The following MYL4 variants were observed in gnomAD, a reference collection of about 807,000 sequenced individuals.
MYL4 encodes the protein atrial myosin light chain 1.
MYL4 carries 16 observed loss-of-function variants against 21.6 expected under a neutral mutation model. That is an observed-to-expected ratio of 0.74 (90% CI 0.50 to 1.12). The LOEUF (loss-of-function observed/expected upper bound fraction) is 1.12. MYL4 is among the 50% of genes most tolerant of loss of function. The pLI is 0.00. For missense variants in MYL4, 249 were observed against 252.9 expected (o/e 0.98, Z 0.11); for synonymous variants, 82 against 95.7 (o/e 0.86, Z 0.83).
intron 2 of MYL4, among the ~76,000 whole-genome samples, chr17:47,215,763 T>C (rs1035485902): frequency 1.4e-4 from 22 of 152,222 alleles, no homozygotes; most frequent in Admixed American, 9.8e-4. Flanking sequence ...CTCTAGGTGA[T>C]ATGCCTCAAT....
At chr17:47,210,177 T>C (rs1371093329) in intron 1 of MYL4, among the ~76,000 whole-genome samples, 1 of 152,164 alleles carries the variant, frequency 6.6e-6, no homozygotes, top group Non-Finnish European at 1.5e-5. Context: ...GGTTCCTATC[T>C]GTAGCATGCA....
Position 47,209,386 on chromosome 17 carries a change from T to C in MYL4, c.-37T>C, listed in dbSNP as rs1134983. On this transcript the variant is annotated 5_prime_UTR_variant, in exon 1 of 7. Coordinates refer to ENST00000393450, the MANE Select transcript of MYL4 (RefSeq NM_002476.2). Reference sequence around the variant, plus strand: ...GACGCCACGTCTCTCGGTTTCTTCTTAGATCACTCCTCTGCCAAAGATCCC... The same window carrying C: ...GACGCCACGTCTCTCGGTTTCTTCTCAGATCACTCCTCTGCCAAAGATCCC... 4 of 1,614,026 alleles carry C rather than the reference T, an allele frequency of 2.5e-6. No individual in the cohort carries two copies. Among genetic ancestry groups the C allele is most frequent in the East Asian group, 4.5e-5 (2 of 44,874 alleles).
chr17:47,199,404 G>C (rs542447165), upstream of MYL4, among the ~76,000 whole-genome samples: 1 of 151,752 alleles, frequency 6.6e-6, no homozygotes. Context: ...TTTTAGTTGC[G>C]CACCTTCTTT....
At chr17:47,199,067 T>C (rs2064699812), upstream of MYL4, among the ~76,000 whole-genome samples, 1 of 138,758 alleles carries the variant, frequency 7.2e-6, no homozygotes, top group Non-Finnish European at 1.6e-5. Flanking sequence ...ACCCCGTCTT[T>C]ACTAAAAAAA....
Position 47,213,716 on chromosome 17 carries a change from A to C in MYL4, c.136-83A>C. ...AGGTGGCCATACTGCATTGGAAGCC[A>C]CTTCTGCTTCTACTTCCCTTTGGGG... is the stretch of plus-strand genomic sequence containing the variant. On this transcript the variant is annotated intron_variant, in intron 1 of 6. Transcript: ENST00000393450. 7.0e-6 allele frequency: 10 copies of C among 1,424,386 alleles called. No individual in the cohort carries two copies. In the South Asian group the frequency reaches 9.2e-5, roughly 13 times the overall value. The allele number at this position is 1,424,386 out of a possible 1,614,324, so 88.2% of individuals were successfully genotyped here.
intron 6 of MYL4, 151 bp downstream of exon 6, chr17:47,223,208 C>A: frequency 2.8e-6 from 2 of 721,882 alleles, no homozygotes; most frequent in Non-Finnish European, 4.6e-6. Context: ...TGCTCACTCA[C>A]CATCTCCTGT....
intron 1 of MYL4, among the ~76,000 whole-genome samples, chr17:47,212,172 C>T (rs977433473): frequency 6.6e-6 from 1 of 152,062 alleles, no homozygotes; most frequent in Non-Finnish European, 1.5e-5. Context: ...GCCAAGATCA[C>T]ACCATTGCAC....
upstream of MYL4, among the ~76,000 whole-genome samples, chr17:47,208,791 G>C (rs2064749208): frequency 6.6e-6 from 1 of 152,178 alleles, no homozygotes; most frequent in Non-Finnish European, 1.5e-5. Context: ...GAGTTCCTGG[G>C]ATGCCTGCTC....
At chr17:47,195,494 G>A (rs575987268), upstream of MYL4, among the ~76,000 whole-genome samples, 8 of 152,138 alleles carry the variant, frequency 5.3e-5, no homozygotes, top group East Asian at 9.7e-4. Flanking sequence ...CTCCCAAAGT[G>A]TTGGAATTAC....
the MYL4 span, among the ~76,000 whole-genome samples, chr17:47,189,748 CG>C: frequency 1.3e-5 from 2 of 152,168 alleles, no homozygotes; most frequent in Admixed American, 1.3e-4. Context: ...TTAGATCATT[CG>C]TCCATTCCAG....
chr17:47,198,828 T>TA (rs924914212), upstream of MYL4, among the ~76,000 whole-genome samples: 4 of 151,314 alleles, frequency 2.6e-5, no homozygotes, highest in East Asian at 1.9e-4. Flanking sequence ...ACAAAAAAAA[T>TA]AAAAAAAACT....
upstream of MYL4, among the ~76,000 whole-genome samples, chr17:47,208,565 ACACAC>A (rs2064746771): frequency 6.6e-6 from 1 of 151,602 alleles, no homozygotes; most frequent in Non-Finnish European, 1.5e-5. Flanking sequence ...ACACACACAC[ACACAC>A]ACACACACAC....
At chr17:47,202,342 T>C (rs775410273) in intron 1 of MYL4, among the ~76,000 whole-genome samples, 81 of 152,370 alleles carry the variant, frequency 5.3e-4, no homozygotes, top group Non-Finnish European at 8.5e-4. Context: ...ATAGCATATC[T>C]CAATTTGGAT....
chr17:47,203,945 A>G (rs2064718245), intron 1 of MYL4, among the ~76,000 whole-genome samples: 1 of 152,244 alleles, frequency 6.6e-6, no homozygotes, highest in East Asian at 1.9e-4. Context: ...TTAGGAGTAC[A>G]GGCATGAGCC....
chr17:47,213,871 TGGAGGAGGA>T (rs138017390), intron 2 of MYL4, 45 bp downstream of exon 2: 5 of 1,597,230 alleles, frequency 3.1e-6, no homozygotes, highest in Non-Finnish European at 4.3e-6. Context: ...TGCACTTTCC[TGGAGGAGGA>T]GGAGGAGGAG....
upstream of MYL4, among the ~76,000 whole-genome samples, chr17:47,197,147 G>A (rs1018100338): frequency 3.5e-5 from 5 of 142,870 alleles, no homozygotes. Context: ...CGCCCAGGCT[G>A]GAGTGCAGTG....
downstream of MYL4, among the ~76,000 whole-genome samples, chr17:47,224,097 A>G (rs1413054578): frequency 6.6e-6 from 1 of 152,230 alleles, no homozygotes; most frequent in Non-Finnish European, 1.5e-5. Context: ...ATTTTTAAGC[A>G]TACAAGTCAG....
Position 47,223,550 on chromosome 17 carries a change from G to A in MYL4, c.*57G>A, listed in dbSNP as rs1214061128. The A allele has an allele frequency of 1.3e-5, 2 of 154,852 alleles. No homozygotes were observed. The highest frequency in any genetic ancestry group is 4.8e-5 in the African/African-American group (2 of 41,476). 9.6% of individuals were successfully genotyped at this position (154,852 alleles called of 1,614,324 possible). ...TTTAGCCATACCAGGGTGAGTTAAA[G>A]AGAGGCCCCGGCTGGGTGAGCTGAG... On this transcript the variant is annotated 3_prime_UTR_variant, in exon 7 of 7. Coordinates refer to ENST00000393450, the MANE Select transcript of MYL4 (RefSeq NM_002476.2).
chr17:47,210,987 G>T (rs1033557263), intron 1 of MYL4, among the ~76,000 whole-genome samples: 2 of 151,986 alleles, frequency 1.3e-5, no homozygotes, highest in African/African-American at 4.8e-5. Flanking sequence ...CCTTGTCCCT[G>T]GTGTCTGGGC....
Sources: allele counts gnomAD v4.1 joint callset (sites outside exome capture counted in the v4.1 genomes callset), GRCh38; gene constraint gnomAD v4.1.1; transcripts MANE v1.5; gene names NCBI Gene and HGNC (gene_info 2026-07-23, HGNC 2026-07-21).